The following ZNF469 variants were observed in gnomAD, a reference collection of about 807,000 sequenced individuals.
The protein encoded by ZNF469 is zinc finger protein 469.
Under a neutral mutation model 1.0 loss-of-function variants are expected in ZNF469, and 1 was observed. That is an observed-to-expected ratio of 1.00 (90% CI 0.35 to 4.73). The LOEUF (loss-of-function observed/expected upper bound fraction) is 4.73, where lower values mean the gene tolerates loss of function less well. Among genes scored for constraint, ZNF469 ranks in the 30% most tolerant of loss-of-function variants. The pLI, the probability that ZNF469 is intolerant of heterozygous loss-of-function variation, is 0.16. For missense variants in ZNF469, 6,100 were observed against 5,356.3 expected, an observed-to-expected ratio of 1.14 and a Z score of -4.33; for synonymous variants, 2,703 against 2,363.4, an observed-to-expected ratio of 1.14 and a Z score of -4.17.
At chr16:88,377,438 G>A in the ZNF469 span, among the ~76,000 whole-genome samples, 2 of 152,186 alleles carry the variant, frequency 1.3e-5, no homozygotes, top group South Asian at 2.1e-4. Context: ...GTGTGCCTGT[G>A]CCCCTGTGCA....
the ZNF469 span, among the ~76,000 whole-genome samples, chr16:88,244,933 A>T: frequency 2.0e-5 from 3 of 151,896 alleles, no homozygotes; most frequent in African/African-American, 7.3e-5. Context: ...GTAGTGCACA[A>T]CCCTGGGACA....
the ZNF469 span, among the ~76,000 whole-genome samples, chr16:88,323,709 A>G: frequency 6.6e-6 from 1 of 150,928 alleles, no homozygotes; most frequent in Non-Finnish European, 1.5e-5. Context: ...GGGCAGGGGG[A>G]CTCCCACACC....
At chr16:88,325,307 G>A in the ZNF469 span, among the ~76,000 whole-genome samples, 26 of 152,172 alleles carry the variant, frequency 1.7e-4, no homozygotes, top group Non-Finnish European at 2.9e-4. Context: ...CCGGGGGGCC[G>A]CAGGGGCTCA....
chr16:88,381,359 C>T (rs1339669903), upstream of ZNF469, among the ~76,000 whole-genome samples: 1 of 149,256 alleles, frequency 6.7e-6, no homozygotes, highest in Non-Finnish European at 1.5e-5. Context: ...CACTTATACA[C>T]ACATGCACTC....
the ZNF469 span, among the ~76,000 whole-genome samples, chr16:88,305,160 A>T: frequency 6.6e-6 from 1 of 152,188 alleles, no homozygotes; most frequent in Non-Finnish European, 1.5e-5. Flanking sequence ...CATGCCCGGC[A>T]TGGGGCAGGC....
chr16:88,327,937 G>A, the ZNF469 span, among the ~76,000 whole-genome samples: 1 of 152,326 alleles, frequency 6.6e-6, no homozygotes, highest in Middle Eastern at 3.4e-3. Context: ...ACACTTTCAC[G>A]GCCGGGCTCC....
chr16:88,395,554 T>C (rs1490805360), intron 1 of ZNF469, among the ~76,000 whole-genome samples: 1 of 152,140 alleles, frequency 6.6e-6, no homozygotes, highest in Non-Finnish European at 1.5e-5. Flanking sequence ...CACTCTTGAG[T>C]ATGACATACT....
the ZNF469 span, among the ~76,000 whole-genome samples, chr16:88,124,586 T>G: frequency 1.7e-4 from 8 of 48,304 alleles, no homozygotes; most frequent in Admixed American, 2.3e-4. Flanking sequence ...TGTTTGTTTG[T>G]TTTTGGTTTT....
At chr16:88,149,094 C>A in the ZNF469 span, among the ~76,000 whole-genome samples, 4 of 151,890 alleles carry the variant, frequency 2.6e-5, no homozygotes, top group African/African-American at 9.7e-5. Flanking sequence ...GGGCCTGGTT[C>A]ATTTGTCATT....
the ZNF469 span, among the ~76,000 whole-genome samples, chr16:88,143,528 G>C: frequency 6.6e-6 from 1 of 152,056 alleles, no homozygotes; most frequent in African/African-American, 2.4e-5. Context: ...CCACCTTCGG[G>C]CCTCTGCTCC....
the ZNF469 span, among the ~76,000 whole-genome samples, chr16:88,365,643 G>A: frequency 3.9e-5 from 6 of 152,328 alleles, no homozygotes; most frequent in African/African-American, 1.2e-4. Context: ...GTCCATTTGG[G>A]CTGGGTTTTC....
At chr16:88,278,551 C>T in the ZNF469 span, among the ~76,000 whole-genome samples, 4 of 114,904 alleles carry the variant, frequency 3.5e-5, no homozygotes, top group Non-Finnish European at 5.8e-5. Flanking sequence ...TGCTGCACCA[C>T]ACTGACGCTT....
the ZNF469 span, among the ~76,000 whole-genome samples, chr16:88,102,194 C>T: frequency 6.6e-6 from 1 of 152,104 alleles, no homozygotes. Flanking sequence ...GGACAGAGGG[C>T]GTCGGTGGCT....
the ZNF469 span, among the ~76,000 whole-genome samples, chr16:88,376,094 CA>C: frequency 6.6e-6 from 1 of 152,356 alleles, no homozygotes; most frequent in East Asian, 1.9e-4. Flanking sequence ...CACGCAGGCC[CA>C]GGTGCTGGGA....
chr16:88,393,021 G>A (rs1224189089), intron 1 of ZNF469, among the ~76,000 whole-genome samples: 3 of 152,286 alleles, frequency 2.0e-5, no homozygotes, highest in Admixed American at 6.5e-5. Flanking sequence ...GAGCGTGGAT[G>A]TGGGATAAAT....
At chr16:88,288,977 G>C in the ZNF469 span, among the ~76,000 whole-genome samples, 50 of 152,272 alleles carry the variant, frequency 3.3e-4, 2 homozygotes, top group African/African-American at 1.2e-3. Context: ...TACAGTTATA[G>C]TACAGTGGTG....
chr16:88,423,021 GTATC>G, intron 1 of ZNF469, among the ~76,000 whole-genome samples: 1 of 150,762 alleles, frequency 6.6e-6, no homozygotes, highest in Non-Finnish European at 1.5e-5. Flanking sequence ...GAGTGGGTGG[GTATC>G]TGGATGGATG....
the ZNF469 span, among the ~76,000 whole-genome samples, chr16:88,166,091 T>G: frequency 2.0e-3 from 307 of 152,398 alleles, 9 homozygotes; most frequent in East Asian, 0.052. This position sits in a 1 kb window ranked among gnomAD's most constrained non-coding sequence, Gnocchi z 4.5. Flanking sequence ...TCACTGCGTG[T>G]AGAGTGAGAT....
chr16:88,146,997 GC>G, the ZNF469 span, among the ~76,000 whole-genome samples: 1 of 152,102 alleles, frequency 6.6e-6, no homozygotes. Flanking sequence ...CTGAATAACA[GC>G]CCCAGAGGCA....
Sources: gnomAD v4.1 joint callset for allele counts (sites outside exome capture counted in the v4.1 genomes callset) on GRCh38, gnomAD v4.1.1 for gene constraint, Gnocchi (gnomAD v3.1) non-coding constraint, MANE v1.5 for transcripts, NCBI Gene and HGNC (gene_info 2026-07-23, HGNC 2026-07-21) for gene names.